Variants in TLK1 observed in about 807,000 individuals in gnomAD.
The protein encoded by TLK1 is tousled like kinase 1, also known as serine/threonine-protein kinase tousled-like 1.
Under a neutral mutation model 105.3 loss-of-function variants are expected in TLK1, and 24 were observed. That is an observed-to-expected ratio of 0.23 (90% CI 0.17 to 0.32). The LOEUF (loss-of-function observed/expected upper bound fraction) is 0.32. TLK1 is among the 10% of genes least tolerant of loss of function. TLK1 has a pLI of 1.00. For missense variants in TLK1, 558 were observed against 910.5 expected (o/e 0.61, Z 4.98); for synonymous variants, 321 against 310.4 (o/e 1.03, Z -0.36).
intron 1 of TLK1, among the ~76,000 whole-genome samples, chr2:171,146,670 A>G (rs979707793): frequency 6.6e-6 from 1 of 152,240 alleles, no homozygotes; most frequent in Non-Finnish European, 1.5e-5. Context: ...CAATCAAGAC[A>G]TATCAACTGA....
At chr2:171,134,769 C>T (rs1357333645) in intron 1 of TLK1, among the ~76,000 whole-genome samples, 3 of 129,468 alleles carry the variant, frequency 2.3e-5, no homozygotes, top group Non-Finnish European at 4.7e-5. Flanking sequence ...CTTGCTCTGT[C>T]GCCCAAGCTG....
chr2:171,198,719 G>A (rs921896969), intron 1 of TLK1, among the ~76,000 whole-genome samples: 4 of 152,140 alleles, frequency 2.6e-5, no homozygotes, highest in African/African-American at 9.7e-5. Context: ...AATTATAAAC[G>A]GCCTTTAAAC....
rs1055470492 is a variant in TLK1 at position 170,991,128 on chromosome 2, T to A, written c.*2652A>T. ...CTCAACATGCACACACTAAAGCAAATTCAAATCAAAGAAAGATTTTAAAAT... is the reference window on the plus strand; with the variant it reads ...CTCAACATGCACACACTAAAGCAAAATCAAATCAAAGAAAGATTTTAAAAT... On this transcript the variant is annotated 3_prime_UTR_variant, in exon 21 of 21. Coordinates refer to ENST00000431350, the MANE Select transcript of TLK1 (RefSeq NM_012290.5). 6.6e-6 allele frequency: 1 copy of A among 152,156 alleles called. No homozygotes were observed. Among genetic ancestry groups the A allele is most frequent in the Non-Finnish European group, 1.5e-5 (1 of 68,014 alleles). 9.4% of individuals were successfully genotyped at this position (152,156 alleles called of 1,614,324 possible).
At chr2:171,217,772 T>C (rs987085925) in intron 1 of TLK1, among the ~76,000 whole-genome samples, 1 of 151,968 alleles carries the variant, frequency 6.6e-6, no homozygotes. Context: ...CAAAGAAGAG[T>C]ACGTGTAATA....
chr2:171,068,133 C>T (rs1447872547), intron 3 of TLK1, among the ~76,000 whole-genome samples: 2 of 152,030 alleles, frequency 1.3e-5, no homozygotes, highest in Non-Finnish European at 2.9e-5. Flanking sequence ...TCGAGACCAG[C>T]CTGGCCAACA....
At position 171,045,953 on chromosome 2, in the gene TLK1, C is replaced by T; in HGVS notation, c.1169+221G>A. 2 of 409,544 alleles carry T rather than the reference C, an allele frequency of 4.9e-6. 1 individual carries two copies. The highest frequency in any genetic ancestry group is 1.8e-4 in the South Asian group (2 of 11,002). The allele number at this position is 409,544 out of a possible 1,614,324, so 25.4% of individuals were successfully genotyped here. ...TGAATTCTGGTAACCTCTTAGCTAC[C>T]TAGGTCTCTGTTTTAAAAGAGAATT... On this transcript the variant is annotated intron_variant, in intron 11 of 20. Coordinates refer to ENST00000431350, the MANE Select transcript of TLK1 (RefSeq NM_012290.5).
intron 12 of TLK1, chr2:171,023,231 T>C (rs1327115415): frequency 2.1e-6 from 1 of 467,854 alleles, no homozygotes; most frequent in Non-Finnish European, 4.4e-6. Context: ...ATGTGATTTT[T>C]GTTTTAGTAG....
At chr2:171,022,088 C>CACACACACACACAGACAG (rs35020865) in intron 12 of TLK1, among the ~76,000 whole-genome samples, 2 of 139,200 alleles carry the variant, frequency 1.4e-5, no homozygotes, top group South Asian at 2.3e-4. Flanking sequence ...GGGCGAAAAA[C>CACACACACACACAGACAG]ACACACACAC....
intron 1 of TLK1, among the ~76,000 whole-genome samples, chr2:171,169,907 C>T (rs551527730): frequency 6.6e-6 from 1 of 152,152 alleles, no homozygotes; most frequent in Admixed American, 6.5e-5. Flanking sequence ...TTGTGGAAAG[C>T]TTTCAGGAAC....
At chr2:171,165,187 A>G (rs1339707883), upstream of TLK1, among the ~76,000 whole-genome samples, 1 of 152,246 alleles carries the variant, frequency 6.6e-6, no homozygotes, top group Non-Finnish European at 1.5e-5. Context: ...GAACTGAGCA[A>G]GTAAAAGGTA....
intron 11 of TLK1, among the ~76,000 whole-genome samples, chr2:171,029,643 AT>A: frequency 6.7e-6 from 1 of 149,564 alleles, no homozygotes; most frequent in South Asian, 2.1e-4. Flanking sequence ...CAAAATCTTA[AT>A]TATAAATAGA....
At chr2:171,168,541 G>A (rs1692654304) in intron 1 of TLK1, among the ~76,000 whole-genome samples, 1 of 151,682 alleles carries the variant, frequency 6.6e-6, no homozygotes, top group Non-Finnish European at 1.5e-5. Flanking sequence ...GGGCAAATTA[G>A]GAACATTCTC....
intron 2 of TLK1, among the ~76,000 whole-genome samples, chr2:171,084,324 C>T (rs993588838): frequency 6.6e-6 from 1 of 152,138 alleles, no homozygotes; most frequent in African/African-American, 2.4e-5. Flanking sequence ...AGTCTAGCCT[C>T]CACGAATCCT....
chr2:171,141,070 G>A (rs1022541124), intron 1 of TLK1, among the ~76,000 whole-genome samples: 27 of 151,970 alleles, frequency 1.8e-4, no homozygotes, highest in Non-Finnish European at 2.5e-4. Flanking sequence ...ATGCACACAG[G>A]AATAAAAAGA....
intron 3 of TLK1, among the ~76,000 whole-genome samples, chr2:171,068,538 T>C (rs556489359): frequency 1.3e-5 from 2 of 152,114 alleles, no homozygotes; most frequent in African/African-American, 4.8e-5. Flanking sequence ...TGACTATACA[T>C]CAATCATTTA....
intron 1 of TLK1, among the ~76,000 whole-genome samples, chr2:171,142,519 C>T (rs1268330470): frequency 6.6e-6 from 1 of 152,072 alleles, no homozygotes; most frequent in Non-Finnish European, 1.5e-5. Flanking sequence ...AAATGCAATA[C>T]TGAGATAAAG....
At chr2:171,003,915 T>C (rs1322608926) in intron 18 of TLK1, among the ~76,000 whole-genome samples, 1 of 152,226 alleles carries the variant, frequency 6.6e-6, no homozygotes, top group African/African-American at 2.4e-5. Flanking sequence ...AGTATCTACA[T>C]ATATTTCACG....
At chr2:171,140,750 C>T (rs907323529) in intron 1 of TLK1, among the ~76,000 whole-genome samples, 9 of 152,066 alleles carry the variant, frequency 5.9e-5, no homozygotes, top group African/African-American at 1.7e-4. Flanking sequence ...ATGTCTCATA[C>T]ACAATAAAAA....
chr2:171,062,835 C>G (rs1007305107), intron 3 of TLK1, among the ~76,000 whole-genome samples: 1 of 152,136 alleles, frequency 6.6e-6, no homozygotes, highest in Admixed American at 6.5e-5. Flanking sequence ...CAATGAAATG[C>G]CAGTATGTTT....
Sources: gnomAD v4.1 joint callset for allele counts (sites outside exome capture counted in the v4.1 genomes callset) on GRCh38, gnomAD v4.1.1 for gene constraint, MANE v1.5 for transcripts, NCBI Gene and HGNC (gene_info 2026-07-23, HGNC 2026-07-21) for gene names.